The following NXPE4 variants were observed in gnomAD, a reference collection of about 807,000 sequenced individuals.
The protein encoded by NXPE4 is neurexophilin and PC-esterase domain family member 4.
A neutral mutation model predicts 33.3 loss-of-function variants in NXPE4; 42 were observed. That is an observed-to-expected ratio of 1.26 (90% CI 0.98 to 1.63). The LOEUF is 1.63. NXPE4 is among the 40% of genes most tolerant of loss of function. The pLI is 0.00. For synonymous variants in NXPE4, 253 were observed against 234.9 expected (o/e 1.08, Z -0.71); for missense variants, 709 against 647.6 (o/e 1.09, Z -1.03).
chr11:114,577,022 TATATAC>T (rs1323549162), intron 5 of NXPE4, among the ~76,000 whole-genome samples: 1 of 27,246 alleles, frequency 3.7e-5, no homozygotes, highest in Non-Finnish European at 6.3e-5. Context: ...TATATATATA[TATATAC>T]ATATATATAT....
the NXPE4 span, among the ~76,000 whole-genome samples, chr11:114,607,952 C>A: frequency 6.6e-6 from 1 of 151,614 alleles, no homozygotes; most frequent in African/African-American, 2.4e-5. Flanking sequence ...CCACTGTTAC[C>A]CAGTGGATAA....
chr11:114,638,844 C>A, the NXPE4 span, among the ~76,000 whole-genome samples: 1 of 151,900 alleles, frequency 6.6e-6, no homozygotes, highest in Non-Finnish European at 1.5e-5. Flanking sequence ...CAGTGGAGTA[C>A]CCAGCCGTGT....
chr11:114,659,656 G>A, the NXPE4 span, among the ~76,000 whole-genome samples: 1 of 152,032 alleles, frequency 6.6e-6, no homozygotes, highest in South Asian at 2.1e-4. Flanking sequence ...ATCAAAATAT[G>A]GGGATGCAGG....
At chr11:114,586,105 C>A (rs1334818011) in intron 2 of NXPE4, among the ~76,000 whole-genome samples, 1 of 152,212 alleles carries the variant, frequency 6.6e-6, no homozygotes, top group East Asian at 1.9e-4. Context: ...ATCTTTTTTG[C>A]CCTGTGTAAA....
At chr11:114,616,519 G>A in the NXPE4 span, among the ~76,000 whole-genome samples, 556 of 151,748 alleles carry the variant, frequency 3.7e-3, 23 homozygotes, top group African/African-American at 0.013. Context: ...AATATGTATT[G>A]TCTGGTGGGT....
At chr11:114,591,711 A>G (rs564121117) in intron 2 of NXPE4, among the ~76,000 whole-genome samples, 12 of 152,202 alleles carry the variant, frequency 7.9e-5, no homozygotes, top group African/African-American at 2.9e-4. Context: ...CCTTCACCAA[A>G]TATACCTCAA....
the NXPE4 span, among the ~76,000 whole-genome samples, chr11:114,643,817 G>T: frequency 1.3e-5 from 2 of 152,110 alleles, no homozygotes; most frequent in African/African-American, 4.8e-5. Flanking sequence ...GTGGTAGCTT[G>T]ATGGGGATAG....
the NXPE4 span, among the ~76,000 whole-genome samples, chr11:114,622,351 C>T: frequency 1.3e-5 from 2 of 152,060 alleles, no homozygotes; most frequent in African/African-American, 4.8e-5. Context: ...AGTGTTGCCT[C>T]GTGGGTAACC....
At position 114,582,494 on chromosome 11, in the gene NXPE4, A is replaced by G; in HGVS notation, c.624T>C (p.Phe208=). ...AGTGGACTTGGGAAGTGCCATTGAC[A>G]AACTGGCCAGTGAAGATCACCCTGT... ...GYDRVIFTGQ[F]VNGTSQVHSE... is the part of the protein sequence containing the mutation. Residue 208 remains phenylalanine, a synonymous_variant, in exon 3 of 6, where the codon TTT becomes TTC. Transcript: ENST00000375478. 6.2e-7 allele frequency: 1 copy of G among 1,614,136 alleles called. No individual in the cohort carries two copies.
chr11:114,667,406 A>C, the NXPE4 span, among the ~76,000 whole-genome samples: 1 of 152,140 alleles, frequency 6.6e-6, no homozygotes. Flanking sequence ...ATTCAGTTAG[A>C]GATTATCCAT....
chr11:114,639,473 A>G, the NXPE4 span, among the ~76,000 whole-genome samples: 1 of 150,918 alleles, frequency 6.6e-6, no homozygotes. Flanking sequence ...CGCTGCCCCC[A>G]CTGTCCTGTG....
intron 5 of NXPE4, among the ~76,000 whole-genome samples, chr11:114,577,579 T>C (rs1949040623): frequency 6.6e-6 from 1 of 152,168 alleles, no homozygotes; most frequent in African/African-American, 2.4e-5. Flanking sequence ...AAAAGTGTTA[T>C]GTAAATGTGA....
chr11:114,589,754 A>G (rs1342933494), intron 2 of NXPE4, among the ~76,000 whole-genome samples: 2 of 152,118 alleles, frequency 1.3e-5, no homozygotes. Flanking sequence ...CTAAAGCCAG[A>G]GGGTAAGAAA....
At chr11:114,619,298 G>A in the NXPE4 span, among the ~76,000 whole-genome samples, 31 of 152,150 alleles carry the variant, frequency 2.0e-4, no homozygotes, top group Non-Finnish European at 1.9e-4. Context: ...TGCCTCGTGG[G>A]TAACCACTGT....
chr11:114,651,010 G>C, the NXPE4 span, among the ~76,000 whole-genome samples: 1 of 151,838 alleles, frequency 6.6e-6, no homozygotes, highest in Non-Finnish European at 1.5e-5. Flanking sequence ...CTAAGCACAA[G>C]GCAACAAAGA....
At chr11:114,657,032 T>C in the NXPE4 span, among the ~76,000 whole-genome samples, 1 of 152,172 alleles carries the variant, frequency 6.6e-6, no homozygotes, top group Non-Finnish European at 1.5e-5. Context: ...AGGCAGAGCT[T>C]GCAGTGAGCT....
the NXPE4 span, among the ~76,000 whole-genome samples, chr11:114,616,874 T>C: frequency 1.3e-5 from 2 of 151,980 alleles, no homozygotes; most frequent in East Asian, 1.9e-4. Context: ...GTAATGACTG[T>C]TACCCGCTGG....
At chr11:114,612,909 C>T in the NXPE4 span, among the ~76,000 whole-genome samples, 5 of 151,762 alleles carry the variant, frequency 3.3e-5, no homozygotes, top group African/African-American at 9.7e-5. Context: ...CACTGTTACC[C>T]GGTGGATAAT....
chr11:114,636,657 G>A, the NXPE4 span, among the ~76,000 whole-genome samples: 121 of 152,056 alleles, frequency 8.0e-4, no homozygotes, highest in African/African-American at 1.4e-3. Flanking sequence ...ATTCTGGTAC[G>A]TTGTGTCTTT....
Sources: allele counts gnomAD v4.1 joint callset (sites outside exome capture counted in the v4.1 genomes callset), GRCh38; gene constraint gnomAD v4.1.1; transcripts MANE v1.5; gene names NCBI Gene and HGNC (gene_info 2026-07-23, HGNC 2026-07-21).